The following TTN variants were observed in gnomAD, a reference collection of about 807,000 sequenced individuals.
TTN encodes connectin.
Under a neutral mutation model 3,223.0 loss-of-function variants are expected in TTN, and 1,525 were observed. That is an observed-to-expected ratio of 0.47 (90% CI 0.45 to 0.49). TTN has a LOEUF of 0.49. TTN is among the 20% of genes least tolerant of loss of function. TTN has a pLI of 0.00. For synonymous variants in TTN, 14,094 were observed against 15,161.0 expected, an observed-to-expected ratio of 0.93 and a Z score of 5.17; for missense variants, 40,786 against 43,424.0, an observed-to-expected ratio of 0.94 and a Z score of 5.40.
Position 178,611,001 on chromosome 2 carries a change from T to C in TTN, c.51128A>G (p.Lys17043Arg), listed in dbSNP as rs758910983. The stretch of plus-strand genomic sequence containing the variant: ...CTTCAAAGAATGATTACCTATGACT[T>C]TGACATTGATTGAGGCTGTTGCTGA... ...LGSATASINVKVIGLPGPCKD... is the reference protein window; with the variant it reads ...LGSATASINVRVIGLPGPCKD... Residue 17043 changes from lysine to arginine, a missense_variant, in exon 270 of 363, where the codon AAA becomes AGA. Transcript: ENST00000589042. 4 of 1,612,122 alleles carry C rather than the reference T, an allele frequency of 2.5e-6. No individual in the cohort carries two copies. Among genetic ancestry groups the C allele is most frequent in the South Asian group, 2.2e-5 (2 of 90,776 alleles).
At position 178,577,724 on chromosome 2, in the gene TTN, A is replaced by T; in HGVS notation, c.68702T>A (p.Phe22901Tyr). Residue 22901 changes from phenylalanine to tyrosine, a missense_variant, in exon 323 of 363, where the codon TTT becomes TAT. Phe to Tyr is a conservative substitution (Grantham distance 22, BLOSUM62 3). Transcript: ENST00000589042. ...ANHVNVPECA[F>Y]TVTDLVEGGK... ...ACCCTCAACAAGGTCAGTTACAGTA[A>T]AGGCACATTCTGGGACATTAACATG... is the stretch of plus-strand genomic sequence containing the variant. 6.2e-7 allele frequency: 1 copy of T among 1,613,432 alleles called. No homozygotes were observed. Among genetic ancestry groups the T allele is most frequent in the Non-Finnish European group, 8.5e-7 (1 of 1,179,602 alleles).
Position 178,675,953 on chromosome 2 carries a change from A to G in TTN, c.34421T>C (p.Ile11474Thr), listed in dbSNP as rs778419312. The G allele has an allele frequency of 8.7e-6, 14 of 1,608,112 alleles. No individual in the cohort carries two copies. The highest frequency in any genetic ancestry group is 1.2e-5 in the Non-Finnish European group (14 of 1,176,808). The change falls in exon 148 of 363, where the codon ATT (isoleucine) becomes ACT (threonine). Residue 11474 changes from isoleucine to threonine, a missense_variant. By Grantham distance (89) the Ile-to-Thr change is moderately conservative. Transcript: ENST00000589042. ...AGGGGGAGCCTCCTCTTTCTTGGGA[A>G]TGACCACTTTCTTCTCTGTCACTTT... is the stretch of plus-strand genomic sequence containing the variant. ...KKKVTEKKVVIPKKEEAPPAK... is the reference protein window; with the variant it reads ...KKKVTEKKVVTPKKEEAPPAK...
Position 178,634,144 on chromosome 2 carries a change from C to T in TTN, c.42416-61G>A. ...AATTCACCTTCAGAAAGATTCCATT[C>T]TAATCTGCCTGAGTAAAAGGGACCC... is the stretch of plus-strand genomic sequence containing the variant. On this transcript the variant is annotated intron_variant, in intron 230 of 362. Transcript: ENST00000589042. This position sits in a 1 kb window ranked among gnomAD's most constrained non-coding sequence, Gnocchi z 4.6. 2 of 1,590,508 alleles carry T rather than the reference C, an allele frequency of 1.3e-6. No individual in the cohort carries two copies. Among genetic ancestry groups the T allele is most frequent in the Non-Finnish European group, 1.7e-6 (2 of 1,172,254 alleles).
rs59989386 is a variant in TTN, at chr2:178,699,383, C to CTTTTT, written c.30683-474_30683-470dup. ...TTTGTATTCATGAATAAATAACACT[C>CTTTTT]TTTTTTTTTTTTTTTTTTTTTTTTT... On this transcript the variant is annotated intron_variant, in intron 111 of 362. Transcript: ENST00000589042. 2.9e-4 allele frequency among the ~76,000 whole-genome samples: 13 copies of CTTTTT among 44,912 alleles called. 3 individuals carry two copies. The highest frequency in any genetic ancestry group is 3.5e-4 in the Non-Finnish European group (8 of 22,892). The allele number at this position is 44,912 out of a possible 152,430, so 29.5% of individuals were successfully genotyped here.
At chr2:178,795,663 A>G (rs967310877) in intron 6 of TTN, among the ~76,000 whole-genome samples, 9 of 152,204 alleles carry the variant, frequency 5.9e-5, no homozygotes, top group Non-Finnish European at 7.3e-5. Flanking sequence ...TAGGTGTTAT[A>G]AGAAGAAAGG....
At chr2:178,750,690 C>A (rs758950243) in intron 47 of TTN, 6 of 1,612,572 alleles carry the variant, frequency 3.7e-6, no homozygotes, top group Non-Finnish European at 5.1e-6. Flanking sequence ...TCTCTCAAAT[C>A]ATCCTTTTTT....
intron 45 of TTN, among the ~76,000 whole-genome samples, chr2:178,757,227 A>ATACTGTACTTACTTTAAGTACAGTAAC (rs1553968975): frequency 6.7e-6 from 1 of 150,194 alleles, no homozygotes; most frequent in African/African-American, 2.4e-5. Flanking sequence ...ACAGTAAGTA[A>ATACTGTACTTACTTTAAGTACAGTAAC]TAATCAGCAA....
chr2:178,639,317 A>G (rs989018418), intron 223 of TTN, among the ~76,000 whole-genome samples: 6 of 152,036 alleles, frequency 3.9e-5, no homozygotes, highest in African/African-American at 1.4e-4. Flanking sequence ...TTTTTAAAAA[A>G]GAGAAATTGT....
chr2:178,543,094 T>C lies in TTN; in HGVS notation c.96879A>G (p.Thr32293=), dbSNP rs373707659. ...KGVSEPRETV[T]AVTVQDLRVL... ...CTCTGAGGTCTTGTACAGTCACGGC[T>C]GTGACAGTCTCTCTTGGTTCTGACA... The change falls in exon 347 of 363, where the codon ACA becomes ACG. Residue 32293 remains threonine (T), a synonymous_variant. Coordinates refer to ENST00000589042, the MANE Select transcript of TTN (RefSeq NM_001267550.2). 3 of 1,600,740 alleles carry C rather than the reference T, an allele frequency of 1.9e-6. No individual in the cohort carries two copies. In the African/African-American group the frequency reaches 4.0e-5, roughly 21 times the overall value.
At chr2:178,580,261 T>C (rs1575887285) in intron 317 of TTN, 32 bp from the exon 318 acceptor site, 2 of 1,606,386 alleles carry the variant, frequency 1.2e-6, no homozygotes, top group East Asian at 4.5e-5. Flanking sequence ...AAGAAATGAA[T>C]GTGTAAAAAA....
At position 178,707,740 on chromosome 2, in the gene TTN, G is replaced by C. The variant is rs1475068759; in HGVS notation, c.28827C>G (p.Leu9609=). The C allele has an allele frequency of 1.2e-6, 2 of 1,613,902 alleles. No homozygotes were observed. Among genetic ancestry groups the C allele is most frequent in the South Asian group, 2.2e-5 (2 of 91,072 alleles). The change falls in exon 100 of 363, where the codon CTC becomes CTG. Residue 9609 remains leucine (L), a synonymous_variant. Transcript: ENST00000589042. ...GCTCAGATCCCTGGACATGGCAGCT[G>C]AGCTGCACGTATTCTCCTTCACTCA... ...VTVSEGEYVQ[L]SCHVQGSEPI... is the part of the protein sequence containing the mutation.
chr2:178,688,062 A>G, intron 127 of TTN, 49 bp downstream of exon 127: 1 of 1,509,198 alleles, frequency 6.6e-7, no homozygotes, highest in Non-Finnish European at 9.2e-7. Flanking sequence ...GTGAAAGAAA[A>G]CACCTCATCA....
intron 47 of TTN, chr2:178,746,189 A>G: frequency 6.2e-7 from 1 of 1,613,264 alleles, no homozygotes; most frequent in Non-Finnish European, 8.5e-7. Context: ...CGGGATCCCT[A>G]TGACTGAACA....
In TTN at chr2:178,590,987, A is replaced by G. The variant is rs1380357702; in HGVS notation, c.60738T>C (p.Val20246=). 1 of 1,613,502 alleles carries G rather than the reference A, an allele frequency of 6.2e-7. No homozygotes were observed. Among genetic ancestry groups the G allele is most frequent in the Non-Finnish European group, 8.5e-7 (1 of 1,179,562 alleles). Residue 20246 remains valine, a synonymous_variant, in exon 304 of 363, where the codon GTT becomes GTC. Transcript: ENST00000589042. The part of the protein sequence containing the change: ...LQKGCEYVFR[V]RAENKIGVGP... ...CAACACCTATCTTATTCTCTGCTCT[A>G]ACTCGGAAAACATATTCACAGCCCT...
chr2:178,570,415 A>G lies in TTN; in HGVS notation c.75717T>C (p.Asn25239=). Residue 25239 remains asparagine, a synonymous_variant, in exon 326 of 363, where the codon AAT becomes AAC. Transcript: ENST00000589042. ...PLQDGGSDII[N]YIVERRETSR... is the part of the protein sequence containing the mutation. Reference sequence around the variant, plus strand: ...TGGTTTCTCTCCTTTCCACAATATAATTTATGATGTCACTCCCACCATCCT... The same window carrying G: ...TGGTTTCTCTCCTTTCCACAATATAGTTTATGATGTCACTCCCACCATCCT... 1 of 1,613,164 alleles carries G rather than the reference A, an allele frequency of 6.2e-7. No individual in the cohort carries two copies. The highest frequency in any genetic ancestry group is 8.5e-7 in the Non-Finnish European group (1 of 1,179,588).
At chr2:178,641,102 T>C in intron 220 of TTN, 139 bp downstream of exon 220, 2 of 600,438 alleles carry the variant, frequency 3.3e-6, no homozygotes, top group South Asian at 2.2e-5. Context: ...AAGCAGACAA[T>C]GGAAAACAGA....
intron 163 of TTN, 106 bp from the exon 164 acceptor site, chr2:178,665,897 C>A (rs2065845143): frequency 2.1e-6 from 1 of 477,818 alleles, no homozygotes; most frequent in Non-Finnish European, 3.3e-6. Context: ...TTCTCCCACT[C>A]CCCGCCCCCA....
Position 178,572,392 on chromosome 2 carries a change from T to TACC in TTN, c.73737_73739dup (p.Val24580dup). The TACC allele has an allele frequency of 1.2e-6, 2 of 1,613,180 alleles. No homozygotes were observed. The highest frequency in any genetic ancestry group is 2.2e-5 in the South Asian group (2 of 91,062). On this transcript the variant is annotated inframe_insertion, in exon 326 of 363. Transcript: ENST00000589042. ...AGCTACAGCCTTCTTGAAGCTGGTC[T>TACC]ACCTTCCAGGAAGTCTTGTGGCAGT...
At chr2:178,736,870 G>A (rs755609281) in intron 49 of TTN, among the ~76,000 whole-genome samples, 11 of 152,148 alleles carry the variant, frequency 7.2e-5, no homozygotes, top group African/African-American at 1.2e-4. Flanking sequence ...TTAGGATCAC[G>A]TAAAAGGATT....
Sources: allele counts gnomAD v4.1 joint callset (sites outside exome capture counted in the v4.1 genomes callset), GRCh38; gene constraint gnomAD v4.1.1; non-coding constraint Gnocchi (gnomAD v3.1); transcripts MANE v1.5; gene names NCBI Gene and HGNC (gene_info 2026-07-23, HGNC 2026-07-21).